The following LTBP1 variants were observed in gnomAD, a reference collection of about 807,000 sequenced individuals.
LTBP1 encodes the protein latent-transforming growth factor beta-binding protein 1.
In LTBP1, 129 loss-of-function variants were observed where a neutral mutation model predicts 207.6. The observed-to-expected ratio is 0.62, with a 90% CI of 0.54 to 0.72. The LOEUF is 0.72. Ranked by LOEUF, LTBP1 falls within the 30% of genes least tolerant of loss-of-function variation. The pLI is 0.00. For missense variants in LTBP1, 2,281 were observed against 2,217.2 expected, an observed-to-expected ratio of 1.03 and a Z score of -0.58; for synonymous variants, 963 against 833.7, an observed-to-expected ratio of 1.16 and a Z score of -2.67.
At chr2:33,283,594 G>A (rs2093607372) in intron 19 of LTBP1, among the ~76,000 whole-genome samples, 2 of 151,710 alleles carry the variant, frequency 1.3e-5, no homozygotes, top group Non-Finnish European at 2.9e-5. Context: ...CCGCCACCAC[G>A]CCTGGCTAAT....
intron 25 of LTBP1, among the ~76,000 whole-genome samples, 161 bp downstream of exon 25, chr2:33,343,124 T>C (rs5024712): frequency 0.63 from 96,053 of 152,020 alleles, 31,785 homozygotes; most frequent in African/African-American, 0.83. Flanking sequence ...CTATGTTGGC[T>C]GGGTGCATGG....
chr2:33,203,081 G>A (rs1296157726), intron 7 of LTBP1, among the ~76,000 whole-genome samples: 1 of 124,476 alleles, frequency 8.0e-6, no homozygotes. Context: ...GTCTCTTGTG[G>A]CTCTAAAATG....
chr2:33,180,644 C>T (rs116357567), intron 5 of LTBP1, among the ~76,000 whole-genome samples: 4,717 of 151,958 alleles, frequency 0.031, 104 homozygotes, highest in Middle Eastern at 0.14. Context: ...AAAGTAGAGA[C>T]GGGGGTATGC....
rs984952841 is a variant in LTBP1 at position 32,979,289 on chromosome 2, G to A, written c.565+30344G>A. Reference sequence around the variant, plus strand: ...CTAGGTCTTTATGATGCAGCATTAGGTTGTTTATTTAAAGTTTTTCTACTT... The same window carrying A: ...CTAGGTCTTTATGATGCAGCATTAGATTGTTTATTTAAAGTTTTTCTACTT... On this transcript the variant is annotated intron_variant, in intron 2 of 33. Transcript: ENST00000404816. 5.9e-5 allele frequency among the ~76,000 whole-genome samples: 9 copies of A among 151,666 alleles called. No homozygotes were observed. In the South Asian group the frequency reaches 1.0e-3, roughly 18 times the overall value.
At position 33,364,360 on chromosome 2, in the gene LTBP1, T is replaced by C. The variant is rs761088196; in HGVS notation, c.4540+4T>C. 2.5e-6 allele frequency: 4 copies of C among 1,609,558 alleles called. No individual in the cohort carries two copies. Among genetic ancestry groups the C allele is most frequent in the Non-Finnish European group, 2.5e-6 (3 of 1,178,894 alleles). Reference sequence around the variant, plus strand: ...ATACGACCGGCTGAGTCAAACGGTATGTTTCCAGGAGATGCAAACCTGTGT... The same window carrying C: ...ATACGACCGGCTGAGTCAAACGGTACGTTTCCAGGAGATGCAAACCTGTGT... On this transcript the variant is annotated splice_donor_region_variant and intron_variant, in intron 30 of 33. Transcript: ENST00000404816.
intron 32 of LTBP1, among the ~76,000 whole-genome samples, chr2:33,392,488 A>G (rs1351404127): frequency 3.3e-5 from 5 of 152,178 alleles, no homozygotes; most frequent in Admixed American, 1.3e-4. Context: ...CCGAGCCCAG[A>G]TGGTAAAATT....
In LTBP1 at chr2:33,360,608, G is replaced by GAA; in HGVS notation, c.4013_4014insAA (p.Asp1338GlufsTer3). On this transcript the variant is annotated frameshift_variant, in exon 27 of 34. Coordinates refer to ENST00000404816, the MANE Select transcript of LTBP1 (RefSeq NM_206943.4). LOFTEE classifies it high-confidence loss of function. ...TCTACTCCATTTAGATTTAGATGTA[G>GAA]ATGTAGATCAACCCAAAGAAGAAAA... 6.2e-7 allele frequency: 1 copy of GAA among 1,611,842 alleles called. No homozygotes were observed. The highest frequency in any genetic ancestry group is 1.1e-5 in the South Asian group (1 of 91,044).
chr2:33,061,804 A>G (rs72793710), intron 3 of LTBP1, among the ~76,000 whole-genome samples: 14,780 of 152,154 alleles, frequency 0.097, 945 homozygotes, highest in Non-Finnish European at 0.14. Context: ...TATGCTTTCA[A>G]TTCTGTTGGG....
intron 2 of LTBP1, among the ~76,000 whole-genome samples, chr2:32,998,478 C>T (rs1157692151): frequency 1.6e-5 from 2 of 126,554 alleles, no homozygotes; most frequent in African/African-American, 6.1e-5. Context: ...ATCGCCACTG[C>T]ACTCCAGCCT....
chr2:33,161,849 C>T (rs2084498585), intron 5 of LTBP1, among the ~76,000 whole-genome samples: 1 of 152,170 alleles, frequency 6.6e-6, no homozygotes, highest in South Asian at 2.1e-4. Flanking sequence ...AATTATGAAT[C>T]ATTTGGTTAG....
chr2:33,251,019 A>G (rs2092668542), intron 10 of LTBP1, among the ~76,000 whole-genome samples: 1 of 152,066 alleles, frequency 6.6e-6, no homozygotes, highest in Admixed American at 6.5e-5. Context: ...GCTGGCACCT[A>G]AGCAAGCCAC....
intron 2 of LTBP1, among the ~76,000 whole-genome samples, chr2:33,009,335 C>T (rs1687356078): frequency 2.6e-5 from 4 of 152,244 alleles, no homozygotes; most frequent in African/African-American, 9.6e-5. Context: ...TTGCCCTTCC[C>T]TGATTCACGT....
At chr2:33,374,958 GA>G (rs2095118591) in intron 31 of LTBP1, among the ~76,000 whole-genome samples, 1 of 151,750 alleles carries the variant, frequency 6.6e-6, no homozygotes, top group Admixed American at 6.6e-5. Flanking sequence ...TCCCAAAAAA[GA>G]AAAAAGAAAG....
intron 2 of LTBP1, among the ~76,000 whole-genome samples, chr2:32,980,945 A>G (rs376390743): frequency 1.2e-4 from 18 of 152,294 alleles, no homozygotes; most frequent in African/African-American, 4.1e-4. Context: ...GCCTGCTGCC[A>G]GATGTATTGC....
rs184889440 is a variant in LTBP1 at position 33,094,787 on chromosome 2, A to G, written c.864-15795A>G. 9.8e-5 allele frequency among the ~76,000 whole-genome samples: 15 copies of G among 152,356 alleles called. No individual in the cohort carries two copies. In the South Asian group the frequency reaches 1.2e-3, roughly 13 times the overall value. On this transcript the variant is annotated intron_variant, in intron 3 of 33. Coordinates refer to ENST00000404816, the MANE Select transcript of LTBP1 (RefSeq NM_206943.4). ...ACTGCTTTCATGAGTTGCACTGCAC[A>G]TGGTTATAAACCCAATGGCTTTCTG...
intron 5 of LTBP1, among the ~76,000 whole-genome samples, chr2:33,153,442 G>T (rs571213631): frequency 1.1e-4 from 17 of 152,234 alleles, no homozygotes; most frequent in Non-Finnish European, 2.4e-4. Flanking sequence ...GGCCAATAAG[G>T]CTGCAGAGGA....
intron 9 of LTBP1, among the ~76,000 whole-genome samples, chr2:33,241,175 A>C (rs2092310057): frequency 6.6e-6 from 1 of 150,788 alleles, no homozygotes. Context: ...AATGTGTCAC[A>C]AAGGAAGGCC....
At chr2:33,199,985 C>G (rs984790440) in intron 7 of LTBP1, among the ~76,000 whole-genome samples, 19 of 152,138 alleles carry the variant, frequency 1.2e-4, no homozygotes, top group African/African-American at 3.4e-4. Flanking sequence ...AGGATACAAA[C>G]AAATGGAAGA....
intron 8 of LTBP1, among the ~76,000 whole-genome samples, chr2:33,218,666 G>C (rs879343894): frequency 3.9e-5 from 6 of 152,128 alleles, no homozygotes; most frequent in Non-Finnish European, 8.8e-5. Flanking sequence ...CAAAGTGCTG[G>C]GATTACAGGC....
Sources: allele counts gnomAD v4.1 joint callset (sites outside exome capture counted in the v4.1 genomes callset), GRCh38; gene constraint gnomAD v4.1.1; transcripts MANE v1.5; gene names NCBI Gene and HGNC (gene_info 2026-07-23, HGNC 2026-07-21).